The following CDH12 variants were observed in gnomAD, a reference collection of about 807,000 sequenced individuals.
CDH12 encodes cadherin 12.
In CDH12, 41 loss-of-function variants were observed where a neutral mutation model predicts 74.1. That is an observed-to-expected ratio of 0.55 (90% CI 0.43 to 0.72). The LOEUF is 0.72. CDH12 is among the 30% of genes least tolerant of loss of function. The pLI is 0.00. For synonymous variants in CDH12, 399 were observed against 355.0 expected (o/e 1.12, Z -1.39); for missense variants, 945 against 977.2 (o/e 0.97, Z 0.44).
chr5:21,925,378 C>G (rs941008651), intron 6 of CDH12, among the ~76,000 whole-genome samples: 1 of 152,116 alleles, frequency 6.6e-6, no homozygotes, highest in Non-Finnish European at 1.5e-5. Context: ...TGAGATAAAC[C>G]TCTAATTATA....
At chr5:21,974,109 C>T (rs1346620294) in intron 6 of CDH12, among the ~76,000 whole-genome samples, 1 of 152,158 alleles carries the variant, frequency 6.6e-6, no homozygotes, top group Non-Finnish European at 1.5e-5. Context: ...TGCTTCTGCC[C>T]TCAGGGTAGC....
chr5:21,943,683 T>C (rs1244563170), intron 6 of CDH12, among the ~76,000 whole-genome samples: 1 of 152,184 alleles, frequency 6.6e-6, no homozygotes, highest in Non-Finnish European at 1.5e-5. Flanking sequence ...GGAGTTAATA[T>C]TGCTAGTGTT....
At chr5:22,681,046 A>T (rs1031517764) in intron 1 of CDH12, among the ~76,000 whole-genome samples, 1 of 152,110 alleles carries the variant, frequency 6.6e-6, no homozygotes, top group Non-Finnish European at 1.5e-5. Context: ...TATGCATTCA[A>T]GTAGAAGGTA....
intron 1 of CDH12, among the ~76,000 whole-genome samples, chr5:22,621,324 C>T (rs1737960468): frequency 6.6e-6 from 1 of 152,106 alleles, no homozygotes; most frequent in Non-Finnish European, 1.5e-5. Flanking sequence ...AATGTATTCA[C>T]AGGTAGGAGG....
At chr5:21,804,423 T>A (rs1350720197) in intron 9 of CDH12, among the ~76,000 whole-genome samples, 2 of 152,050 alleles carry the variant, frequency 1.3e-5, no homozygotes, top group African/African-American at 4.8e-5. Context: ...GATAAAATAT[T>A]ACCAAAGCCA....
At chr5:21,821,571 C>T (rs1203091930) in intron 8 of CDH12, among the ~76,000 whole-genome samples, 1 of 151,662 alleles carries the variant, frequency 6.6e-6, no homozygotes, top group Admixed American at 6.6e-5. Context: ...AAATAAGTTA[C>T]CTAAATACAA....
intron 4 of CDH12, among the ~76,000 whole-genome samples, chr5:22,091,750 G>A (rs1743445472): frequency 6.6e-6 from 1 of 151,882 alleles, no homozygotes; most frequent in African/African-American, 2.4e-5. Flanking sequence ...ATTAAAAACA[G>A]TCTTATACAA....
intron 1 of CDH12, among the ~76,000 whole-genome samples, chr5:22,737,777 T>G (rs887918039): frequency 6.6e-6 from 1 of 152,070 alleles, no homozygotes; most frequent in African/African-American, 2.4e-5. Context: ...AACAGACATA[T>G]TCTTTGTATA....
intron 1 of CDH12, among the ~76,000 whole-genome samples, chr5:22,825,314 C>T (rs976402391): frequency 1.3e-5 from 2 of 151,962 alleles, no homozygotes; most frequent in Non-Finnish European, 2.9e-5. Flanking sequence ...AAATTAGATA[C>T]ATTAAATAAT....
intron 6 of CDH12, among the ~76,000 whole-genome samples, chr5:21,973,908 T>C (rs1003300459): frequency 6.6e-6 from 1 of 152,140 alleles, no homozygotes; most frequent in Non-Finnish European, 1.5e-5. Context: ...ACCCCAAAAG[T>C]GTAGCAGGTA....
At chr5:21,848,980 G>A (rs772917990) in intron 7 of CDH12, among the ~76,000 whole-genome samples, 28 of 151,736 alleles carry the variant, frequency 1.8e-4, no homozygotes, top group Non-Finnish European at 3.1e-4. Flanking sequence ...AGATACATGT[G>A]CATCAAATGA....
intron 11 of CDH12, among the ~76,000 whole-genome samples, chr5:21,781,127 G>A (rs1358621538): frequency 6.6e-6 from 1 of 152,162 alleles, no homozygotes; most frequent in African/African-American, 2.4e-5. Context: ...CTGCAATATA[G>A]TGGCAACCTA....
At chr5:22,307,276 C>T (rs1426813950) in intron 3 of CDH12, among the ~76,000 whole-genome samples, 2 of 152,140 alleles carry the variant, frequency 1.3e-5, no homozygotes, top group African/African-American at 4.8e-5. Context: ...GTAAAATCTT[C>T]AGTCAATGTC....
chr5:22,161,261 G>C (rs892958310), intron 4 of CDH12, among the ~76,000 whole-genome samples: 3 of 151,632 alleles, frequency 2.0e-5, no homozygotes, highest in Non-Finnish European at 4.4e-5. Context: ...TCTCCTCTTC[G>C]GTCCTGTGTT....
rs1744012225 is a variant in CDH12 at position 21,750,954 on chromosome 5, T to TTTTG, written c.*782_*783insCAAA. On this transcript the variant is annotated 3_prime_UTR_variant, in exon 15 of 15. Coordinates refer to ENST00000382254, the MANE Select transcript of CDH12 (RefSeq NM_004061.5). ...AAAGAGGAATATTTTTTCTTTTTTT[T>TTTTG]CTTTCTTTTTTTTTTGGAAAAGAAA... 4.6e-5 allele frequency: 7 copies of TTTTG among 151,958 alleles called. No homozygotes were observed. Among genetic ancestry groups the TTTTG allele is most frequent in the African/African-American group, 1.4e-4 (6 of 41,380 alleles). 9.4% of individuals were successfully genotyped at this position (151,958 alleles called of 1,614,324 possible).
At chr5:22,117,703 A>C (rs1319675153) in intron 4 of CDH12, among the ~76,000 whole-genome samples, 3 of 150,114 alleles carry the variant, frequency 2.0e-5, no homozygotes, top group Non-Finnish European at 4.4e-5. Context: ...ACAGTAGAAC[A>C]GCAAAGATAT....
At position 21,751,780 on chromosome 5, in the gene CDH12, A is replaced by T; in HGVS notation, c.2342T>A (p.Met781Lys). ...WGPRFKVLAD[M>K]FGEEESYNPD... Reference sequence around the variant, plus strand: ...GTTATAACTCTCTTCTTCGCCAAACATGTCTGCCAAGACTTTAAAGCGGGG... The same window carrying T: ...GTTATAACTCTCTTCTTCGCCAAACTTGTCTGCCAAGACTTTAAAGCGGGG... Residue 781 changes from methionine (M) to lysine (K), a missense_variant, in exon 15 of 15, where the codon ATG (methionine) becomes AAG (lysine). Met to Lys is a moderately conservative substitution (Grantham distance 95). This residue lies in a region of CDH12 where 791 missense variants were observed against 792.8 expected (regional missense o/e 1.00). Coordinates refer to ENST00000382254, the MANE Select transcript of CDH12 (RefSeq NM_004061.5). The T allele has an allele frequency of 6.2e-7, 1 of 1,613,926 alleles. No homozygotes were observed. Among genetic ancestry groups the T allele is most frequent in the Non-Finnish European group, 8.5e-7 (1 of 1,179,960 alleles).
At chr5:21,792,782 C>T (rs1746575803) in intron 10 of CDH12, among the ~76,000 whole-genome samples, 1 of 151,626 alleles carries the variant, frequency 6.6e-6, no homozygotes, top group Non-Finnish European at 1.5e-5. Context: ...CAAAGCTTTA[C>T]ACCTGTCCTT....
intron 1 of CDH12, among the ~76,000 whole-genome samples, chr5:22,620,551 A>G (rs2126839282): frequency 6.6e-6 from 1 of 152,210 alleles, no homozygotes; most frequent in Middle Eastern, 3.4e-3. Context: ...AAAGATATAG[A>G]AAATAGAAAA....
Sources: gnomAD v4.1 joint callset for allele counts (sites outside exome capture counted in the v4.1 genomes callset) on GRCh38, gnomAD v4.1.1 for gene constraint, gnomAD v4.1.1 regional missense constraint, MANE v1.5 for transcripts, NCBI Gene and HGNC (gene_info 2026-07-23, HGNC 2026-07-21) for gene names.